Variants in KALRN observed in about 807,000 individuals in gnomAD.
The protein encoded by KALRN is kalirin.
Under a neutral mutation model 353.7 loss-of-function variants are expected in KALRN, and 70 were observed. The ratio of observed to expected loss-of-function variants is 0.20; its 90% CI spans 0.16 to 0.24. The LOEUF is 0.24. KALRN is among the 10% of genes least tolerant of loss of function. KALRN has a pLI of 1.00. For synonymous variants in KALRN, 1,391 were observed against 1,434.8 expected, an observed-to-expected ratio of 0.97 and a Z score of 0.69; for missense variants, 2,791 against 3,756.7, an observed-to-expected ratio of 0.74 and a Z score of 6.72.
intron 1 of KALRN, among the ~76,000 whole-genome samples, chr3:124,165,518 C>G (rs963573542): frequency 2.6e-5 from 4 of 152,184 alleles, no homozygotes; most frequent in Admixed American, 6.5e-5. Context: ...ATAGCAACCA[C>G]ATGTGGTCCC....
At position 124,560,809 on chromosome 3, in the gene KALRN, A is replaced by G. The variant is rs891402016; in HGVS notation, c.4936-2034A>G. On this transcript the variant is annotated intron_variant, in intron 33 of 59. Transcript: ENST00000682506. ...GGAGGATCACTTGAGCCAGAGAGGT[A>G]GAAACTGCAGTGAGCCAAGATTGCA... is the stretch of plus-strand genomic sequence containing the variant. 7.2e-5 allele frequency among the ~76,000 whole-genome samples: 11 copies of G among 152,154 alleles called. No individual in the cohort carries two copies. In the East Asian group the frequency reaches 2.1e-3, roughly 29 times the overall value.
chr3:124,352,050 T>C (rs1470109599), intron 10 of KALRN, among the ~76,000 whole-genome samples: 1 of 152,218 alleles, frequency 6.6e-6, no homozygotes, highest in Non-Finnish European at 1.5e-5. Flanking sequence ...TTGTGCGTGC[T>C]CAAATAGAAG....
At chr3:124,393,811 C>T (rs1254293685) in intron 11 of KALRN, among the ~76,000 whole-genome samples, 2 of 152,160 alleles carry the variant, frequency 1.3e-5, no homozygotes, top group Non-Finnish European at 2.9e-5. Context: ...TCATGGCCTC[C>T]AAAGCTTATT....
chr3:124,403,260 T>TA (rs2091097352), intron 13 of KALRN, among the ~76,000 whole-genome samples: 1 of 152,166 alleles, frequency 6.6e-6, no homozygotes. Context: ...ATTGGCTTGA[T>TA]AAAATATATG....
At chr3:124,209,915 T>A (rs1019029867) in intron 1 of KALRN, among the ~76,000 whole-genome samples, 1 of 152,242 alleles carries the variant, frequency 6.6e-6, no homozygotes, top group African/African-American at 2.4e-5. Context: ...TCCTTTAATA[T>A]GTTCTGACAG....
chr3:124,094,541 CTT>C (rs2061311269), intron 1 of KALRN: 2 of 456,346 alleles, frequency 4.4e-6, no homozygotes, highest in Non-Finnish European at 8.1e-6. Context: ...AACCTCGCGT[CTT>C]TGCGAAAACC....
chr3:124,702,516 GT>G (rs1003788139), intron 57 of KALRN, among the ~76,000 whole-genome samples: 2 of 152,076 alleles, frequency 1.3e-5, no homozygotes, highest in African/African-American at 2.4e-5. Flanking sequence ...AAAGGTATGA[GT>G]TTTTTTAAAG....
intron 34 of KALRN, among the ~76,000 whole-genome samples, chr3:124,612,590 T>G (rs1422872198): frequency 2.0e-5 from 3 of 152,058 alleles, no homozygotes; most frequent in Non-Finnish European, 4.4e-5. Context: ...GCCCGCCTCA[T>G]CCTACCAAAG....
chr3:124,716,552 A>T (rs1009580142), intron 58 of KALRN, among the ~76,000 whole-genome samples: 2 of 152,130 alleles, frequency 1.3e-5, no homozygotes, highest in Admixed American at 1.3e-4. Context: ...ACAACAACAA[A>T]AAAAAGGTGG....
chr3:124,616,247 C>A (rs780078436), intron 34 of KALRN, among the ~76,000 whole-genome samples: 10 of 152,144 alleles, frequency 6.6e-5, no homozygotes, highest in Non-Finnish European at 1.3e-4. Flanking sequence ...CTTAACTCTT[C>A]CCCCCAGCCT....
At chr3:124,205,203 T>C (rs1210126284) in intron 1 of KALRN, among the ~76,000 whole-genome samples, 4 of 152,194 alleles carry the variant, frequency 2.6e-5, no homozygotes, top group African/African-American at 9.7e-5. Flanking sequence ...TGATTTCTAT[T>C]GTGTAAATAC....
At chr3:124,472,575 A>ATGTGTGTGTG (rs57265173) in intron 25 of KALRN, among the ~76,000 whole-genome samples, 36 of 148,722 alleles carry the variant, frequency 2.4e-4, no homozygotes, top group Middle Eastern at 3.5e-3. Flanking sequence ...GTGTGTGTAT[A>ATGTGTGTGTG]TGTGTGTGTG....
chr3:124,713,833 A>G (rs928837664), intron 58 of KALRN, among the ~76,000 whole-genome samples: 1 of 152,222 alleles, frequency 6.6e-6, no homozygotes, highest in South Asian at 2.1e-4. Context: ...TGGCCTAGAC[A>G]GGAGACAGAC....
chr3:124,159,067 C>T (rs58032120), intron 1 of KALRN, among the ~76,000 whole-genome samples: 5,730 of 152,260 alleles, frequency 0.038, 383 homozygotes, highest in African/African-American at 0.13. Flanking sequence ...GTGAAACCCA[C>T]CATCTAGTCA....
intron 33 of KALRN, among the ~76,000 whole-genome samples, chr3:124,509,576 T>C (rs11928463): frequency 0.46 from 70,163 of 152,112 alleles, 17,326 homozygotes; most frequent in East Asian, 0.62. Context: ...CATGGAAACT[T>C]AATATATAAT....
intron 15 of KALRN, among the ~76,000 whole-genome samples, chr3:124,424,025 A>C (rs1373589856): frequency 6.6e-6 from 1 of 152,196 alleles, no homozygotes; most frequent in East Asian, 1.9e-4. Flanking sequence ...ACACATCTTC[A>C]TCAATCCTCA....
intron 1 of KALRN, among the ~76,000 whole-genome samples, chr3:124,166,761 C>T (rs565440605): frequency 2.0e-5 from 3 of 152,130 alleles, no homozygotes; most frequent in Non-Finnish European, 4.4e-5. Context: ...TTGGAGGGCC[C>T]GGCGTGGTGG....
intron 27 of KALRN, among the ~76,000 whole-genome samples, chr3:124,479,651 A>G (rs749660494): frequency 6.6e-6 from 1 of 151,702 alleles, no homozygotes; most frequent in African/African-American, 2.4e-5. Context: ...CCTAATATCC[A>G]TTACTGTAAA....
intron 34 of KALRN, among the ~76,000 whole-genome samples, chr3:124,598,070 C>G (rs1379847029): frequency 1.3e-5 from 2 of 152,148 alleles, no homozygotes; most frequent in Non-Finnish European, 2.9e-5. Context: ...CTCTCAGGTT[C>G]CTGGAACTGT....
Sources: allele counts gnomAD v4.1 joint callset (sites outside exome capture counted in the v4.1 genomes callset), GRCh38; gene constraint gnomAD v4.1.1; transcripts MANE v1.5; gene names NCBI Gene and HGNC (gene_info 2026-07-23, HGNC 2026-07-21).